The following LINC00237 variants were observed in gnomAD, a reference collection of about 807,000 sequenced individuals.
LINC00237 encodes the protein long intergenic non-protein coding RNA 237.
At chr20:21,091,152 T>C (rs527507805) in intron 2 of LINC00237, among the ~76,000 whole-genome samples, 5 of 150,474 alleles carry the variant, frequency 3.3e-5, no homozygotes, top group Non-Finnish European at 5.9e-5. Context: ...GCATAATCAT[T>C]TGGGGGAAAG....
At chr20:21,086,646 A>T (rs1318637234) in intron 3 of LINC00237, among the ~76,000 whole-genome samples, 15 of 129,884 alleles carry the variant, frequency 1.2e-4, no homozygotes, top group African/African-American at 4.2e-4. Context: ...TATATATAGT[A>T]TACTATATAT....
At chr20:21,103,041 G>A (rs1234092667) in intron 1 of LINC00237, among the ~76,000 whole-genome samples, 1 of 152,244 alleles carries the variant, frequency 6.6e-6, no homozygotes, top group African/African-American at 2.4e-5. Context: ...CAGGCCTGGA[G>A]GGCGCATTGG....
chr20:21,099,295 C>T (rs73288358), intron 1 of LINC00237, among the ~76,000 whole-genome samples: 75 of 152,186 alleles, frequency 4.9e-4, no homozygotes, highest in African/African-American at 1.8e-3. Flanking sequence ...TTCTGGTAAA[C>T]GCAATTTATT....
chr20:21,099,922 C>A lies in LINC00237; in HGVS notation n.89-6070G>T, dbSNP rs6035782. Reference sequence around the variant, plus strand: ...TTGTTTGGCTGAAGAGCAGCTGAATCCCCTCTCTGGCAGCCGCGGAGACAA... The same window carrying A: ...TTGTTTGGCTGAAGAGCAGCTGAATACCCTCTCTGGCAGCCGCGGAGACAA... On this transcript the variant is annotated intron_variant and non_coding_transcript_variant, in intron 1 of 3. Coordinates refer to ENST00000691244, the Ensembl canonical transcript of LINC00237. Among the ~76,000 whole-genome samples, 863 of 152,256 alleles carry A rather than the reference C, an allele frequency of 5.7e-3. 9 individuals are homozygous for A. The highest frequency in any genetic ancestry group is 0.02 in the African/African-American group (833 of 41,538).
intron 1 of LINC00237, among the ~76,000 whole-genome samples, chr20:21,095,041 C>T (rs1329569331): frequency 6.6e-6 from 1 of 152,146 alleles, no homozygotes. Context: ...TGGAGTGAGA[C>T]TCTGTCTCAA....
intron 1 of LINC00237, chr20:21,093,968 T>A (rs897794922): frequency 2.0e-5 from 3 of 152,202 alleles, no homozygotes; most frequent in African/African-American, 7.2e-5. Context: ...ACTTGTATCA[T>A]AAAAGAGGGC....
At chr20:21,086,746 T>G (rs182385657) in intron 3 of LINC00237, among the ~76,000 whole-genome samples, 2 of 124,798 alleles carry the variant, frequency 1.6e-5, no homozygotes, top group South Asian at 4.7e-4. Flanking sequence ...ATACTATACA[T>G]GTACTATATA....
At chr20:21,089,618 C>T (rs2030765248) in intron 2 of LINC00237, 1 of 152,098 alleles carries the variant, frequency 6.6e-6, no homozygotes, top group Non-Finnish European at 1.5e-5. Context: ...ATTTTTAAAG[C>T]CTCTTAAAAC....
intron 3 of LINC00237, among the ~76,000 whole-genome samples, chr20:21,087,022 CT>C (rs2030721152): frequency 7.2e-6 from 1 of 139,296 alleles, no homozygotes; most frequent in Non-Finnish European, 1.6e-5. Context: ...TATATATGTA[CT>C]CTATATAGTA....
chr20:21,097,880 A>G (rs980010590), intron 1 of LINC00237, among the ~76,000 whole-genome samples: 7 of 152,230 alleles, frequency 4.6e-5, no homozygotes, highest in South Asian at 2.1e-4. Flanking sequence ...AATGGTATCC[A>G]GACGGCTTTT....
chr20:21,095,059 T>C (rs1170653884), intron 1 of LINC00237, among the ~76,000 whole-genome samples: 1 of 152,012 alleles, frequency 6.6e-6, no homozygotes, highest in African/African-American at 2.4e-5. Context: ...CAAAAATAAA[T>C]AAATAAGTAA....
At chr20:21,093,827 G>A (rs1314722348) in exon 2 of LINC00237, 2 of 152,238 alleles carry the variant, frequency 1.3e-5, no homozygotes, top group East Asian at 3.8e-4. Context: ...TAATCTTCCA[G>A]CACATTCATG....
At chr20:21,086,682 TAC>T (rs2030706838) in intron 3 of LINC00237, among the ~76,000 whole-genome samples, 28 of 778 alleles carry the variant, frequency 0.036, 1 homozygote, top group African/African-American at 0.056. Context: ...TATAGTATAC[TAC>T]ATATACATAT....
chr20:21,091,162 GAA>G (rs2122170253), intron 2 of LINC00237, among the ~76,000 whole-genome samples: 1 of 148,376 alleles, frequency 6.7e-6, no homozygotes, highest in South Asian at 2.1e-4. Context: ...TTGGGGGAAA[GAA>G]ATTCTCACTC....
At chr20:21,086,924 CTATATATGTACTATATATAG>C (rs1187540790) in intron 3 of LINC00237, among the ~76,000 whole-genome samples, 4 of 133,238 alleles carry the variant, frequency 3.0e-5, no homozygotes, top group East Asian at 2.1e-4. Flanking sequence ...TATATATACA[CTATATATGTACTATATATAG>C]TATATATGTA....
chr20:21,095,153 A>G lies in LINC00237; in HGVS notation n.89-1301T>C, dbSNP rs971778982. On this transcript the variant is annotated intron_variant and non_coding_transcript_variant, in intron 1 of 3. Transcript: ENST00000691244. ...GCTTTGACCAGTAGAATGAGATGGG[A>G]GTAACAGTCTGGGACTTCTGGTTGC... Among the ~76,000 whole-genome samples, 85 of 152,152 alleles carry G rather than the reference A, an allele frequency of 5.6e-4. 2 individuals are homozygous for G. The highest frequency in any genetic ancestry group is 4.6e-4 in the Admixed American group (7 of 15,278).
intron 1 of LINC00237, among the ~76,000 whole-genome samples, chr20:21,095,348 T>C (rs1025289792): frequency 1.3e-4 from 20 of 152,306 alleles, no homozygotes; most frequent in African/African-American, 4.8e-4. Flanking sequence ...CCAGCTGACC[T>C]TTCTTAGAAA....
chr20:21,100,582 C>A (rs1489629779), intron 1 of LINC00237, among the ~76,000 whole-genome samples: 1 of 152,104 alleles, frequency 6.6e-6, no homozygotes, highest in African/African-American at 2.4e-5. Flanking sequence ...AACCGCTAAC[C>A]CCAAAAACAT....
chr20:21,103,726 C>A (rs766484627), intron 1 of LINC00237, among the ~76,000 whole-genome samples: 4 of 152,110 alleles, frequency 2.6e-5, no homozygotes, highest in Non-Finnish European at 5.9e-5. Flanking sequence ...AATCAATGTG[C>A]GCCAACTCGC....
Sources: gnomAD v4.1 joint callset for allele counts (sites outside exome capture counted in the v4.1 genomes callset) on GRCh38, gnomAD v4.1.1 for gene constraint, MANE v1.5 for transcripts, NCBI Gene and HGNC (gene_info 2026-07-23, HGNC 2026-07-21) for gene names.